Variants in ORC3 observed in about 807,000 individuals in gnomAD.
The protein encoded by ORC3 is homolog of latheo, Drosophila.
Under a neutral mutation model 100.7 loss-of-function variants are expected in ORC3, and 78 were observed. The ratio of observed to expected loss-of-function variants is 0.77; its 90% CI spans 0.65 to 0.94. The LOEUF is 0.94. Among genes scored for constraint, ORC3 ranks in the 40% least tolerant of loss-of-function variants. The pLI is 0.00. For synonymous variants in ORC3, 295 were observed against 289.3 expected (o/e 1.02, Z -0.20); for missense variants, 789 against 823.9 (o/e 0.96, Z 0.52).
chr6:87,660,819 T>C (rs1770121939), intron 16 of ORC3, among the ~76,000 whole-genome samples: 1 of 152,248 alleles, frequency 6.6e-6, no homozygotes, highest in African/African-American at 2.4e-5. Flanking sequence ...ACTCATTGCT[T>C]ACTTCTTCTC....
intron 8 of ORC3, among the ~76,000 whole-genome samples, chr6:87,613,527 C>T (rs1026654703): frequency 5.3e-5 from 8 of 152,168 alleles, no homozygotes; most frequent in Non-Finnish European, 1.2e-4. Flanking sequence ...CTCATTTCAG[C>T]ATTAACTCAA....
chr6:87,631,271 G>A (rs1767383297), intron 11 of ORC3, among the ~76,000 whole-genome samples: 1 of 152,080 alleles, frequency 6.6e-6, no homozygotes, highest in Admixed American at 6.5e-5. Context: ...TTAAAGAACA[G>A]AGAAAGCATA....
rs114622680 is a variant in ORC3, at chr6:87,651,133, T to C, written c.1383-1983T>C. The C allele has an allele frequency of 2.4e-3, 1,113 of 456,064 alleles. 10 individuals carry two copies. Among genetic ancestry groups the C allele is most frequent in the African/African-American group, 0.02 (1,009 of 50,202 alleles). 28.3% of individuals were successfully genotyped at this position (456,064 alleles called of 1,614,324 possible). On this transcript the variant is annotated intron_variant, in intron 13 of 19. Transcript: ENST00000392844. Reference sequence around the variant, plus strand: ...CTAATGAAGTTTGCTTCCAAAGTTATATGAAATAATGCCCTCTTTTTTGGT... The same window carrying C: ...CTAATGAAGTTTGCTTCCAAAGTTACATGAAATAATGCCCTCTTTTTTGGT...
At chr6:87,595,068 T>G (rs1251568541) in intron 2 of ORC3, 1 of 152,248 alleles carries the variant, frequency 6.6e-6, no homozygotes, top group African/African-American at 2.4e-5. Context: ...TAGGGCTTAG[T>G]AACTACATGT....
Position 87,644,385 on chromosome 6 carries a change from G to A in ORC3, c.1382+7899G>A, listed in dbSNP as rs913474613. On this transcript the variant is annotated intron_variant, in intron 13 of 19. Transcript: ENST00000392844. ...GGGATTACAGGCGTAGAGCCACCGCGCCCGGCCGGCTGACTGTACTTTTAA... is the reference window on the plus strand; with the variant it reads ...GGGATTACAGGCGTAGAGCCACCGCACCCGGCCGGCTGACTGTACTTTTAA... Among the ~76,000 whole-genome samples the A allele has an allele frequency of 4.0e-5, 6 of 149,338 alleles. No individual in the cohort carries two copies. In the East Asian group the frequency reaches 6.3e-4, roughly 16 times the overall value.
chr6:87,616,011 G>T (rs147578047), intron 8 of ORC3, among the ~76,000 whole-genome samples: 191 of 149,560 alleles, frequency 1.3e-3, no homozygotes, highest in African/African-American at 3.9e-3. Context: ...GTGGTTTCTG[G>T]TGAGGAAAAA....
chr6:87,590,148 A>AC lies in ORC3; in HGVS notation c.-21_-20insC, dbSNP rs750069069. 1.2e-5 allele frequency: 20 copies of AC among 1,613,988 alleles called. 1 individual carries two copies. In the South Asian group the frequency reaches 2.2e-4, roughly 18 times the overall value. On this transcript the variant is annotated 5_prime_UTR_variant, in exon 1 of 20. Coordinates refer to ENST00000392844, the MANE Select transcript of ORC3 (RefSeq NM_012381.4). ...GCGGGAAATCCCGAGTGCATCTGGA[A>AC]TACGCAGAGTCAGTAAGACCATGGC... is the stretch of plus-strand genomic sequence containing the variant.
chr6:87,621,242 T>G (rs1276221270), intron 9 of ORC3, 112 bp from the exon 10 acceptor site: 2 of 620,636 alleles, frequency 3.2e-6, no homozygotes, highest in Non-Finnish European at 5.2e-6. Context: ...AATATATTAG[T>G]GCCATAAATA....
Position 87,620,082 on chromosome 6 carries a change from T to C in ORC3, c.988-1272T>C, listed in dbSNP as rs79528390. Among the ~76,000 whole-genome samples the C allele has an allele frequency of 1.4e-3, 208 of 152,336 alleles. 1 individual carries two copies. Among genetic ancestry groups the C allele is most frequent in the African/African-American group, 4.6e-3 (190 of 41,584 alleles). The stretch of plus-strand genomic sequence containing the variant: ...ACCAACTTGTTGATTGACCCAGATA[T>C]TGAAAACACACTTGAACAAAATAGT... On this transcript the variant is annotated intron_variant, in intron 9 of 19. Transcript: ENST00000392844.
At chr6:87,674,302 CAA>C in the ORC3 span, among the ~76,000 whole-genome samples, 114 of 87,132 alleles carry the variant, frequency 1.3e-3, 1 homozygote, top group African/African-American at 4.5e-3. Context: ...AACTCTATCT[CAA>C]AAAAAAAAAA....
intron 11 of ORC3, among the ~76,000 whole-genome samples, chr6:87,627,297 C>CTTTTTTTTTTTTTT (rs71554739): frequency 8.8e-6 from 1 of 113,430 alleles, no homozygotes; most frequent in Non-Finnish European, 1.8e-5. Flanking sequence ...CCGCGCCCAG[C>CTTTTTTTTTTTTTT]TTTTTTTTTT....
chr6:87,611,611 AC>A (rs1484548487), intron 7 of ORC3, among the ~76,000 whole-genome samples: 1 of 151,938 alleles, frequency 6.6e-6, no homozygotes, highest in Non-Finnish European at 1.5e-5. Context: ...ATATGGTGAA[AC>A]CCCATCTCCA....
intron 18 of ORC3, among the ~76,000 whole-genome samples, chr6:87,665,425 C>T (rs1438710142): frequency 6.6e-6 from 1 of 152,112 alleles, no homozygotes; most frequent in Non-Finnish European, 1.5e-5. Context: ...AAAAAATATC[C>T]ATAATTGGCT....
chr6:87,676,596 A>AACACACGCACGCGCGCGC, the ORC3 span, among the ~76,000 whole-genome samples: 35 of 142,146 alleles, frequency 2.5e-4, no homozygotes, highest in African/African-American at 9.2e-4. Flanking sequence ...CTCTACTAAA[A>AACACACGCACGCGCGCGC]ACACACACAC....
At chr6:87,603,742 A>G (rs1355745191) in intron 4 of ORC3, among the ~76,000 whole-genome samples, 5 of 152,216 alleles carry the variant, frequency 3.3e-5, no homozygotes, top group Admixed American at 6.5e-5. Context: ...TGTAAATTAA[A>G]AGGAATTTAT....
At chr6:87,602,322 C>T (rs933263999) in intron 3 of ORC3, among the ~76,000 whole-genome samples, 5 of 152,174 alleles carry the variant, frequency 3.3e-5, no homozygotes, top group African/African-American at 1.2e-4. Flanking sequence ...AATGGTGACG[C>T]TCTTAAATTA....
rs557641531 is a variant in ORC3 at position 87,645,273 on chromosome 6, G to T, written c.1383-7843G>T. On this transcript the variant is annotated intron_variant, in intron 13 of 19. Transcript: ENST00000392844. ...AGAGCTGTGATGGGTCAGGGCTAGG[G>T]TGCTGAGGAACCAGTAGACTGGACA... Among the ~76,000 whole-genome samples, 17 of 152,286 alleles carry T rather than the reference G, an allele frequency of 1.1e-4. 1 individual carries two copies. In the South Asian group the frequency reaches 3.1e-3, roughly 28 times the overall value.
chr6:87,644,382 C>T (rs1482280218), intron 13 of ORC3, among the ~76,000 whole-genome samples: 4 of 150,846 alleles, frequency 2.7e-5, no homozygotes, highest in South Asian at 2.1e-4. Flanking sequence ...GTAGAGCCAC[C>T]GCGCCCGGCC....
intron 3 of ORC3, among the ~76,000 whole-genome samples, chr6:87,602,905 T>TAA (rs770456623): frequency 7.5e-6 from 1 of 133,146 alleles, no homozygotes; most frequent in East Asian, 2.1e-4. Context: ...CATATATATA[T>TAA]TATATATTAT....
Sources: gnomAD v4.1 joint callset for allele counts (sites outside exome capture counted in the v4.1 genomes callset) on GRCh38, gnomAD v4.1.1 for gene constraint, MANE v1.5 for transcripts, NCBI Gene and HGNC (gene_info 2026-07-23, HGNC 2026-07-21) for gene names.